Variants in FAM168A observed in about 807,000 individuals in gnomAD.
FAM168A encodes the protein family with sequence similarity 168 member A, also known as protein FAM168A.
FAM168A carries 3 observed loss-of-function variants against 28.5 expected under a neutral mutation model. That is an observed-to-expected ratio of 0.11 (90% confidence interval 0.05 to 0.27). The LOEUF (loss-of-function observed/expected upper bound fraction) is 0.27, where lower values mean the gene tolerates loss of function less well. Among genes scored for constraint, FAM168A ranks in the 10% least tolerant of loss-of-function variants. The pLI, the probability that FAM168A is intolerant of heterozygous loss-of-function variation, is 1.00. For missense variants in FAM168A, 222 were observed against 311.5 expected (o/e 0.71, Z 2.16); for synonymous variants, 122 against 124.2 (o/e 0.98, Z 0.12).
intron 7 of FAM168A, among the ~76,000 whole-genome samples, chr11:73,407,238 T>C (rs1866522214): frequency 6.6e-6 from 1 of 152,210 alleles, no homozygotes. Flanking sequence ...CTAATGATCC[T>C]TATTTCACAG....
At chr11:73,448,323 G>T (rs2134542889) in intron 2 of FAM168A, among the ~76,000 whole-genome samples, 1 of 152,318 alleles carries the variant, frequency 6.6e-6, no homozygotes, top group South Asian at 2.1e-4. Flanking sequence ...TGGGATTACA[G>T]GTGTGAGCCA....
At chr11:73,515,027 G>C (rs1358130793) in intron 1 of FAM168A, among the ~76,000 whole-genome samples, 1 of 152,124 alleles carries the variant, frequency 6.6e-6, no homozygotes, top group Non-Finnish European at 1.5e-5. Context: ...TAAAGCAATG[G>C]AAAGGAAAAG....
chr11:73,409,384 G>T, intron 6 of FAM168A, 103 bp downstream of exon 6: 1 of 1,440,906 alleles, frequency 6.9e-7, no homozygotes, highest in Non-Finnish European at 9.4e-7. Context: ...CCTGGCACAG[G>T]ATCTCTTGTG....
At chr11:73,552,204 C>T (rs1177621216) in intron 1 of FAM168A, among the ~76,000 whole-genome samples, 5 of 152,284 alleles carry the variant, frequency 3.3e-5, no homozygotes, top group Non-Finnish European at 7.4e-5. Flanking sequence ...CTCTTACAAA[C>T]TGTGAACTTG....
At chr11:73,561,681 T>A (rs1943960254) in intron 1 of FAM168A, among the ~76,000 whole-genome samples, 1 of 152,188 alleles carries the variant, frequency 6.6e-6, no homozygotes, top group South Asian at 2.1e-4. Flanking sequence ...TTTTTAAGCA[T>A]CTGATCATAT....
intron 1 of FAM168A, among the ~76,000 whole-genome samples, chr11:73,517,173 C>G (rs1943314929): frequency 6.6e-6 from 1 of 152,098 alleles, no homozygotes; most frequent in Admixed American, 6.5e-5. Context: ...CCTCAGCCTC[C>G]CGAGTAGCTA....
intron 1 of FAM168A, among the ~76,000 whole-genome samples, chr11:73,532,024 G>C (rs1388016706): frequency 6.7e-6 from 1 of 148,354 alleles, no homozygotes; most frequent in Non-Finnish European, 1.5e-5. Context: ...TGTTGCCCAG[G>C]CTGGTCTCAA....
At position 73,559,841 on chromosome 11, in the gene FAM168A, C is replaced by T. The variant is rs1009590655; in HGVS notation, c.-19+38082G>A. 3.3e-5 allele frequency among the ~76,000 whole-genome samples: 5 copies of T among 152,310 alleles called. No individual in the cohort carries two copies. In the East Asian group the frequency reaches 9.6e-4, roughly 29 times the overall value. ...CAATAATGAGAATCCTCCCTTCACA[C>T]AAACTTCCCAAAAATTGTTTTGTTA... On this transcript the variant is annotated intron_variant, in intron 1 of 7. Transcript: ENST00000356467.
rs78091763 is a variant in FAM168A, at chr11:73,478,970, A to G, written c.-18-10478T>C. On this transcript the variant is annotated intron_variant, in intron 1 of 7. Transcript: ENST00000356467. ...CTCAGTTAAAGGATTCTATTTCCCAACTTTCCCAGGAATAGTTAGGTGTGG... is the reference window on the plus strand; with the variant it reads ...CTCAGTTAAAGGATTCTATTTCCCAGCTTTCCCAGGAATAGTTAGGTGTGG... Among the ~76,000 whole-genome samples the G allele has an allele frequency of 1.6e-3, 241 of 152,280 alleles. 2 individuals carry two copies. Among genetic ancestry groups the G allele is most frequent in the African/African-American group, 5.5e-3 (229 of 41,558 alleles).
chr11:73,474,661 T>C (rs532372671), intron 1 of FAM168A, among the ~76,000 whole-genome samples: 17 of 152,340 alleles, frequency 1.1e-4, no homozygotes, highest in African/African-American at 4.1e-4. Context: ...CTGTCTGACA[T>C]ATTTTCTTGT....
Position 73,409,477 on chromosome 11 carries a change from C to G in FAM168A, c.595+10G>C, listed in dbSNP as rs556827883. On this transcript the variant is annotated intron_variant, in intron 6 of 7. Transcript: ENST00000356467. ...AAAGGGATGGACACTGATGCAGATG[C>G]TGCCCTCACCTGCTGACATTGCCAT... 6.2e-7 allele frequency: 1 copy of G among 1,613,118 alleles called. No individual in the cohort carries two copies. The highest frequency in any genetic ancestry group is 1.7e-5 in the Admixed American group (1 of 59,850).
At chr11:73,528,654 T>C (rs1318212634) in intron 1 of FAM168A, among the ~76,000 whole-genome samples, 1 of 152,132 alleles carries the variant, frequency 6.6e-6, no homozygotes, top group Non-Finnish European at 1.5e-5. Flanking sequence ...AATTCTTTCT[T>C]GCGTGAGATC....
At chr11:73,575,471 T>C (rs1289461903) in intron 1 of FAM168A, among the ~76,000 whole-genome samples, 1 of 152,248 alleles carries the variant, frequency 6.6e-6, no homozygotes, top group Non-Finnish European at 1.5e-5. Context: ...TCTGGTAAAC[T>C]GTCTGCCACT....
At chr11:73,545,156 G>A (rs1480653707) in intron 1 of FAM168A, among the ~76,000 whole-genome samples, 2 of 146,854 alleles carry the variant, frequency 1.4e-5, no homozygotes, top group Non-Finnish European at 3.0e-5. Context: ...CTCCTGAGTA[G>A]CTAAGACTAT....
At chr11:73,449,652 G>A (rs1867390487) in intron 2 of FAM168A, among the ~76,000 whole-genome samples, 1 of 152,220 alleles carries the variant, frequency 6.6e-6, no homozygotes, top group African/African-American at 2.4e-5. Flanking sequence ...AGGGTAGGAA[G>A]GTTTGGAGTC....
At chr11:73,496,794 T>TAA (rs1565270924) in intron 1 of FAM168A, among the ~76,000 whole-genome samples, 6 of 151,772 alleles carry the variant, frequency 4.0e-5, no homozygotes, top group Non-Finnish European at 4.4e-5. Flanking sequence ...TCTCCTGACC[T>TAA]CGTGATCCAC....
At chr11:73,482,602 A>G (rs1867982640) in intron 1 of FAM168A, among the ~76,000 whole-genome samples, 1 of 151,924 alleles carries the variant, frequency 6.6e-6, no homozygotes, top group South Asian at 2.1e-4. Flanking sequence ...AAGCAAACCT[A>G]TGAGGCCCAC....
At chr11:73,427,282 C>T (rs138947924) in intron 3 of FAM168A, among the ~76,000 whole-genome samples, 2,679 of 150,626 alleles carry the variant, frequency 0.018, 61 homozygotes, top group African/African-American at 0.055. Context: ...TGAGCCACTG[C>T]GCCCAGCCTG....
chr11:73,439,907 C>T (rs7120484), intron 2 of FAM168A, among the ~76,000 whole-genome samples: 2,323 of 82,200 alleles, frequency 0.028, 71 homozygotes, highest in African/African-American at 0.1. Context: ...TTTTTTGAGT[C>T]GGAGTTTTGC....
Sources: gnomAD v4.1 joint callset for allele counts (sites outside exome capture counted in the v4.1 genomes callset) on GRCh38, gnomAD v4.1.1 for gene constraint, MANE v1.5 for transcripts, NCBI Gene and HGNC (gene_info 2026-07-23, HGNC 2026-07-21) for gene names.